Variants in DCLRE1C observed in about 807,000 individuals in gnomAD.
DCLRE1C encodes the protein protein artemis.
DCLRE1C carries 47 observed loss-of-function variants against 61.4 expected under a neutral mutation model. That is an observed-to-expected ratio of 0.77 (90% CI 0.61 to 0.98). The LOEUF is 0.98. Among genes scored for constraint, DCLRE1C ranks in the 50% least tolerant of loss-of-function variants. DCLRE1C has a pLI of 0.00. For missense variants in DCLRE1C, 858 were observed against 816.0 expected (o/e 1.05, Z -0.63); for synonymous variants, 337 against 287.6 (o/e 1.17, Z -1.74).
At chr10:14,928,825 C>T (rs1589024898) in intron 9 of DCLRE1C, among the ~76,000 whole-genome samples, 1 of 148,946 alleles carries the variant, frequency 6.7e-6, no homozygotes, top group Non-Finnish European at 1.5e-5. Context: ...CTTTGTCACT[C>T]AGGCTGGAGT....
intron 11 of DCLRE1C, 133 bp downstream of exon 11, chr10:14,926,710 G>T: frequency 1.4e-6 from 1 of 693,796 alleles, no homozygotes; most frequent in East Asian, 2.9e-5. Context: ...CTGCATTTAG[G>T]AAAAAAAAAC....
chr10:14,941,944 C>T (rs1797055), intron 3 of DCLRE1C, among the ~76,000 whole-genome samples: 3 of 151,654 alleles, frequency 2.0e-5, no homozygotes, highest in Non-Finnish European at 2.9e-5. Context: ...CTGATTCTGC[C>T]GTGGCCTTGT....
At chr10:14,944,179 A>C (rs1252740613) in intron 3 of DCLRE1C, among the ~76,000 whole-genome samples, 1 of 152,198 alleles carries the variant, frequency 6.6e-6, no homozygotes, top group Non-Finnish European at 1.5e-5. Flanking sequence ...ACTCTAAAAT[A>C]TTAAAATGTG....
intron 4 of DCLRE1C, 125 bp from the exon 5 acceptor site, chr10:14,936,718 C>A: frequency 1.5e-6 from 1 of 689,370 alleles, no homozygotes; most frequent in Non-Finnish European, 2.6e-6. Context: ...CTCCCAATTT[C>A]CTCACACTCC....
At chr10:14,921,711 C>G (rs2130770416) in intron 12 of DCLRE1C, among the ~76,000 whole-genome samples, 1 of 152,286 alleles carries the variant, frequency 6.6e-6, no homozygotes, top group Middle Eastern at 3.4e-3. Context: ...TCCCTTTGCT[C>G]TCATCCCGCT....
intron 4 of DCLRE1C, among the ~76,000 whole-genome samples, chr10:14,938,855 T>C (rs1345632682): frequency 2.0e-5 from 3 of 152,166 alleles, no homozygotes; most frequent in African/African-American, 4.8e-5. Context: ...TTCCCATCAT[T>C]AGCATGTAAT....
chr10:14,952,787 A>G lies in DCLRE1C; in HGVS notation c.109+1115T>C, dbSNP rs41304298. On this transcript the variant is annotated intron_variant, in intron 1 of 13. Coordinates refer to ENST00000378278, the MANE Select transcript of DCLRE1C (RefSeq NM_001033855.3). ...CGGCAACGCACGAGAAGAGGTCCAG[A>G]TTTTCCCATTAAAGAGAAATCACTG... Among the ~76,000 whole-genome samples, 1,505 of 152,276 alleles carry G rather than the reference A, an allele frequency of 9.9e-3. 14 individuals are homozygous for G. Among genetic ancestry groups the G allele is most frequent in the Middle Eastern group, 0.024 (7 of 294 alleles).
At chr10:14,947,618 T>C (rs1285862619) in intron 2 of DCLRE1C, 1 of 152,184 alleles carries the variant, frequency 6.6e-6, no homozygotes, top group Admixed American at 6.5e-5. Context: ...ATCTGTAAAA[T>C]AGAAATAATA....
At position 14,948,917 on chromosome 10, in the gene DCLRE1C, T is replaced by C. The variant is rs41304332; in HGVS notation, c.161+119A>G. On this transcript the variant is annotated intron_variant, in intron 2 of 13. Coordinates refer to ENST00000378278, the MANE Select transcript of DCLRE1C (RefSeq NM_001033855.3). ...ATATTGGTACTGTCCTATTTCTTAA[T>C]CTGGGTGATGCGTTCATTTTGTAAA... 0.016 allele frequency: 11,804 copies of C among 752,468 alleles called. 225 individuals carry two copies. The highest frequency in any genetic ancestry group is 0.063 in the East Asian group (2,360 of 37,336). 46.6% of individuals were successfully genotyped at this position (752,468 alleles called of 1,614,324 possible). A position where few individuals can be genotyped will look rare whatever the true frequency, so the allele number is the denominator to read the frequency against.
At chr10:14,938,309 G>C (rs1427858023) in intron 4 of DCLRE1C, among the ~76,000 whole-genome samples, 1 of 152,008 alleles carries the variant, frequency 6.6e-6, no homozygotes, top group Non-Finnish European at 1.5e-5. Context: ...AAAAGCAGTT[G>C]GCAGAGTCCA....
In DCLRE1C at chr10:14,906,822, A is replaced by T. The variant is rs1467704942; in HGVS notation, c.*1586T>A. Among the ~76,000 whole-genome samples the T allele has an allele frequency of 6.6e-6, 1 of 152,234 alleles. No homozygotes were observed. Among genetic ancestry groups the T allele is most frequent in the African/African-American group, 2.4e-5 (1 of 41,456 alleles). ...CATACATAACACAAAAGCCTAACAC[A>T]TTGATGGACTTCAAGAATGTTGAAT... is the stretch of plus-strand genomic sequence containing the variant. On this transcript the variant is annotated 3_prime_UTR_variant, in exon 14 of 14. Transcript: ENST00000378278.
chr10:14,937,630 C>G (rs570256213), intron 4 of DCLRE1C, among the ~76,000 whole-genome samples: 8 of 152,172 alleles, frequency 5.3e-5, no homozygotes, highest in African/African-American at 1.9e-4. Flanking sequence ...GTGGCTCATG[C>G]CTGTAATTCT....
chr10:14,953,263 C>G (rs1190210670), intron 1 of DCLRE1C, among the ~76,000 whole-genome samples: 2 of 152,230 alleles, frequency 1.3e-5, no homozygotes, highest in African/African-American at 4.8e-5. Flanking sequence ...TAGCTCCAAT[C>G]TCTGCTTGGA....
At chr10:14,902,369 C>T (rs1834084616), downstream of DCLRE1C, 1 of 1,402,838 alleles carries the variant, frequency 7.1e-7, no homozygotes, top group Admixed American at 2.1e-5. Context: ...ATTGTCTTAA[C>T]TCTCTTTCTC....
At chr10:14,927,565 G>A (rs914233412) in intron 10 of DCLRE1C, among the ~76,000 whole-genome samples, 13 of 142,652 alleles carry the variant, frequency 9.1e-5, no homozygotes, top group African/African-American at 3.4e-4. Context: ...CAGATGGGAG[G>A]GAGGGAGTGG....
intron 12 of DCLRE1C, 68 bp downstream of exon 12, chr10:14,922,913 C>G: frequency 9.1e-7 from 1 of 1,099,336 alleles, no homozygotes; most frequent in Non-Finnish European, 1.4e-6. Flanking sequence ...TTCAGGCAAA[C>G]TCTCCTTTGT....
At chr10:14,953,836 G>GC in intron 1 of DCLRE1C, 66 bp downstream of exon 1, 1 of 1,601,318 alleles carries the variant, frequency 6.2e-7, no homozygotes, top group Non-Finnish European at 8.5e-7. Flanking sequence ...TCCAGGGCCG[G>GC]CCCCCTCCTG....
intron 4 of DCLRE1C, among the ~76,000 whole-genome samples, chr10:14,937,030 G>A (rs531478841): frequency 6.6e-6 from 1 of 152,174 alleles, no homozygotes; most frequent in Non-Finnish European, 1.5e-5. Context: ...CATCCTCAGT[G>A]AAAGAAGCCG....
intron 13 of DCLRE1C, among the ~76,000 whole-genome samples, chr10:14,911,877 T>A (rs1835314308): frequency 6.6e-6 from 1 of 151,988 alleles, no homozygotes; most frequent in Non-Finnish European, 1.5e-5. Flanking sequence ...GAAATGCAAA[T>A]CAAAACTGCA....
Sources: allele counts gnomAD v4.1 joint callset (sites outside exome capture counted in the v4.1 genomes callset), GRCh38; gene constraint gnomAD v4.1.1; transcripts MANE v1.5; gene names NCBI Gene and HGNC (gene_info 2026-07-23, HGNC 2026-07-21).